The following SGCD variants were observed in gnomAD, a reference collection of about 807,000 sequenced individuals.
SGCD encodes the protein sarcoglycan delta, also known as delta-sarcoglycan.
In SGCD, 18 loss-of-function variants were observed where a neutral mutation model predicts 36.6. The observed-to-expected ratio is 0.49, with a 90% confidence interval of 0.34 to 0.73. The LOEUF (loss-of-function observed/expected upper bound fraction) is 0.73. Ranked by LOEUF, SGCD falls within the 30% of genes least tolerant of loss-of-function variation. The pLI is 0.01. For missense variants in SGCD, 387 were observed against 346.7 expected, an observed-to-expected ratio of 1.12 and a Z score of -0.92; for synonymous variants, 133 against 130.6, an observed-to-expected ratio of 1.02 and a Z score of -0.12.
Position 156,190,388 on chromosome 5 carries a change from G to A in SGCD, c.-44+66369G>A, listed in dbSNP as rs553203475. The stretch of plus-strand genomic sequence containing the variant: ...CAAAAAAGGATCTGCCCGGAAGAAA[G>A]TCTATCAAACTGCTAATAGTTGTTA... On this transcript the variant is annotated intron_variant, in intron 3 of 9. Coordinates refer to the SGCD transcript ENST00000517913. Among the ~76,000 whole-genome samples, 176 of 152,230 alleles carry A rather than the reference G, an allele frequency of 1.2e-3. 1 individual carries two copies. The highest frequency in any genetic ancestry group is 4.0e-3 in the African/African-American group (167 of 41,560).
At chr5:156,252,682 T>C (rs1765613393) in intron 3 of SGCD, among the ~76,000 whole-genome samples, 1 of 152,204 alleles carries the variant, frequency 6.6e-6, no homozygotes. Flanking sequence ...CTGAAGCAGT[T>C]TACCAGCAAG....
At chr5:156,367,326 A>C (rs1296378721) in intron 3 of SGCD, among the ~76,000 whole-genome samples, 2 of 152,214 alleles carry the variant, frequency 1.3e-5, no homozygotes, top group Admixed American at 6.5e-5. Context: ...CAATTTAAAA[A>C]CTAACTTTTC....
chr5:156,071,708 T>A (rs543946091), intron 1 of SGCD, among the ~76,000 whole-genome samples: 2 of 152,210 alleles, frequency 1.3e-5, no homozygotes, highest in African/African-American at 4.8e-5. Flanking sequence ...GTCTCATTGA[T>A]CTGTCTAATG....
chr5:156,119,629 A>T (rs73813239), intron 2 of SGCD, among the ~76,000 whole-genome samples: 25 of 152,066 alleles, frequency 1.6e-4, no homozygotes, highest in African/African-American at 5.8e-4. Flanking sequence ...TCCATAGTTC[A>T]TCCTTTCCCC....
chr5:155,890,668 A>ATAGG (rs1756106716), intron 1 of SGCD, among the ~76,000 whole-genome samples: 1 of 151,446 alleles, frequency 6.6e-6, no homozygotes, highest in African/African-American at 2.4e-5. Context: ...AGATAGATAG[A>ATAGG]TAGATAGATA....
At chr5:155,985,941 G>T (rs1417330274) in intron 1 of SGCD, among the ~76,000 whole-genome samples, 1 of 152,076 alleles carries the variant, frequency 6.6e-6, no homozygotes, top group African/African-American at 2.4e-5. Context: ...ATAAAAGAAA[G>T]TTTACTTTGA....
At chr5:156,472,587 T>G (rs753608219) in intron 3 of SGCD, among the ~76,000 whole-genome samples, 2 of 152,062 alleles carry the variant, frequency 1.3e-5, no homozygotes, top group Non-Finnish European at 2.9e-5. Context: ...CCGGCTAATT[T>G]TTGTATTTTT....
At chr5:155,937,889 A>G (rs1757241412) in intron 1 of SGCD, among the ~76,000 whole-genome samples, 2 of 152,196 alleles carry the variant, frequency 1.3e-5, no homozygotes, top group East Asian at 3.9e-4. Flanking sequence ...AATATACAAA[A>G]CAGATGAGAA....
the SGCD span, among the ~76,000 whole-genome samples, chr5:155,830,816 T>A: frequency 6.6e-6 from 1 of 152,338 alleles, no homozygotes; most frequent in Admixed American, 6.5e-5. Context: ...TTCTTCCCCC[T>A]GATATTACCA....
the SGCD span, among the ~76,000 whole-genome samples, chr5:155,816,652 C>A: frequency 6.6e-6 from 1 of 152,064 alleles, no homozygotes; most frequent in Non-Finnish European, 1.5e-5. Context: ...ATGTGAGAGG[C>A]ACTGAAGGAG....
At chr5:156,516,370 C>T (rs1027565649) in intron 4 of SGCD, among the ~76,000 whole-genome samples, 1 of 152,182 alleles carries the variant, frequency 6.6e-6, no homozygotes, top group African/African-American at 2.4e-5. Flanking sequence ...CCACTGGTGA[C>T]ACCTCCAGGT....
chr5:156,462,132 T>C (rs917236422), intron 3 of SGCD, among the ~76,000 whole-genome samples: 1 of 152,192 alleles, frequency 6.6e-6, no homozygotes, highest in Non-Finnish European at 1.5e-5. Context: ...AATAAATATC[T>C]GTGCTTTTCC....
intron 1 of SGCD, among the ~76,000 whole-genome samples, chr5:156,102,772 A>AGTAGCATTT: frequency 6.6e-6 from 1 of 152,332 alleles, no homozygotes; most frequent in South Asian, 2.1e-4. Flanking sequence ...CATGCTTCTA[A>AGTAGCATTT]GTAGCATTTT....
intron 7 of SGCD, among the ~76,000 whole-genome samples, chr5:156,674,230 T>C (rs1201852400): frequency 6.6e-6 from 1 of 152,192 alleles, no homozygotes; most frequent in African/African-American, 2.4e-5. Context: ...CATTCAATAC[T>C]TTCATGGCTA....
chr5:155,825,540 G>A, the SGCD span, among the ~76,000 whole-genome samples: 1 of 152,132 alleles, frequency 6.6e-6, no homozygotes, highest in Non-Finnish European at 1.5e-5. Context: ...TATGGTTCAA[G>A]GATTTTAAGG....
intron 3 of SGCD, among the ~76,000 whole-genome samples, chr5:156,273,508 C>A (rs969438650): frequency 1.3e-5 from 2 of 152,170 alleles, no homozygotes; most frequent in African/African-American, 4.8e-5. Flanking sequence ...ACTGGCATAA[C>A]TTTCTAATCG....
rs1359067064 is a variant in SGCD, at chr5:156,764,628, C to T, written c.*5238C>T. ...TAACCTTTTTGGGGCAACTCATGCT[C>T]ACACATGCTGTTTTCTTTGGTTCTC... On this transcript the variant is annotated 3_prime_UTR_variant, in exon 9 of 9. Transcript: ENST00000337851. 2 of 152,462 alleles carry T rather than the reference C, an allele frequency of 1.3e-5. No individual in the cohort carries two copies. Among genetic ancestry groups the T allele is most frequent in the Non-Finnish European group, 2.9e-5 (2 of 68,022 alleles). The allele number at this position is 152,462 out of a possible 1,614,324, so 9.4% of individuals were successfully genotyped here. A position where few individuals can be genotyped will look rare whatever the true frequency, so the allele number is the denominator to read the frequency against.
chr5:156,038,746 T>G (rs184701653), intron 1 of SGCD, among the ~76,000 whole-genome samples: 6 of 152,310 alleles, frequency 3.9e-5, no homozygotes, highest in Admixed American at 6.5e-5. Context: ...TAAACAGCCT[T>G]TCTTCCTTGG....
chr5:156,020,948 C>A lies in SGCD; in HGVS notation c.-281-96930C>A, dbSNP rs117742787. On this transcript the variant is annotated intron_variant, in intron 1 of 9. Transcript: ENST00000517913. ...TTGAGTGATTATGTCTGGAACAGAA[C>A]AAAACTTGCACAGAAAACAAAACAA... Among the ~76,000 whole-genome samples the A allele has an allele frequency of 1.9e-3, 285 of 152,284 alleles. 2 individuals carry two copies. In the East Asian group the frequency reaches 0.023, roughly 12 times the overall value.
Sources: allele counts gnomAD v4.1 joint callset (sites outside exome capture counted in the v4.1 genomes callset), GRCh38; gene constraint gnomAD v4.1.1; transcripts MANE v1.5; gene names NCBI Gene and HGNC (gene_info 2026-07-23, HGNC 2026-07-21).